NRG1: variants seen among roughly 807,000 people sequenced by gnomAD.
The protein encoded by NRG1 is pro-neuregulin-1, membrane-bound isoform.
In NRG1, 18 loss-of-function variants were observed where a neutral mutation model predicts 63.8. The observed-to-expected ratio is 0.28, with a 90% CI of 0.19 to 0.42. NRG1 has a LOEUF of 0.42. NRG1 is among the 10% of genes least tolerant of loss of function. NRG1 has a pLI of 1.00. For synonymous variants in NRG1, 302 were observed against 301.3 expected, an observed-to-expected ratio of 1.00 and a Z score of -0.02; for missense variants, 762 against 814.7, an observed-to-expected ratio of 0.94 and a Z score of 0.79.
intron 1 of NRG1, among the ~76,000 whole-genome samples, chr8:31,931,449 C>T (rs76065020): frequency 0.012 from 1,764 of 152,168 alleles, 33 homozygotes; most frequent in African/African-American, 0.04. Flanking sequence ...TTTGAACTCA[C>T]CAGGGCCTCA....
intron 6 of NRG1, 63 bp from the exon 7 acceptor site, chr8:32,741,945 G>A (rs1216589121): frequency 8.0e-7 from 1 of 1,243,670 alleles, no homozygotes; most frequent in Non-Finnish European, 1.2e-6. Flanking sequence ...GAGGAAAATT[G>A]CCAGTCTGAA....
At chr8:32,288,095 G>A (rs548175189) in intron 1 of NRG1, among the ~76,000 whole-genome samples, 1 of 152,290 alleles carries the variant, frequency 6.6e-6, no homozygotes, top group Admixed American at 6.5e-5. Context: ...ATCAACGTGG[G>A]TAGAGCTGAA....
At chr8:31,922,121 C>A (rs1833970595) in intron 1 of NRG1, among the ~76,000 whole-genome samples, 1 of 152,124 alleles carries the variant, frequency 6.6e-6, no homozygotes, top group Non-Finnish European at 1.5e-5. Context: ...CAAGCTTTAC[C>A]TACATCAGGA....
chr8:31,784,457 C>T (rs375490626), intron 1 of NRG1, among the ~76,000 whole-genome samples: 1 of 152,282 alleles, frequency 6.6e-6, no homozygotes, highest in African/African-American at 2.4e-5. Context: ...TTGAAATCAA[C>T]CACTTGTCCC....
intron 1 of NRG1, among the ~76,000 whole-genome samples, chr8:31,976,960 A>C (rs931635075): frequency 6.6e-6 from 1 of 152,172 alleles, no homozygotes; most frequent in African/African-American, 2.4e-5. Flanking sequence ...ATGAAGATGA[A>C]ATGTTTGTGG....
intron 1 of NRG1, among the ~76,000 whole-genome samples, chr8:32,223,581 A>G (rs1430137436): frequency 1.3e-5 from 2 of 152,152 alleles, no homozygotes; most frequent in Non-Finnish European, 2.9e-5. Flanking sequence ...GCCAATAAAA[A>G]TGAATGTGAT....
At chr8:32,272,846 GTT>G (rs1445016882) in intron 1 of NRG1, among the ~76,000 whole-genome samples, 1 of 152,116 alleles carries the variant, frequency 6.6e-6, no homozygotes, top group Non-Finnish European at 1.5e-5. Flanking sequence ...ATAAATCAGA[GTT>G]TCCTTTATCT....
intron 1 of NRG1, among the ~76,000 whole-genome samples, chr8:31,709,671 A>T (rs1811541771): frequency 6.6e-6 from 1 of 151,986 alleles, no homozygotes; most frequent in South Asian, 2.1e-4. Flanking sequence ...CTTTGGGGTC[A>T]GTTTTGGTGA....
chr8:32,025,878 G>A (rs1817204736), intron 1 of NRG1, among the ~76,000 whole-genome samples: 2 of 149,722 alleles, frequency 1.3e-5, no homozygotes. Flanking sequence ...CCCGGGAGGC[G>A]GAGCTTGCAG....
chr8:32,070,787 G>A lies in NRG1; in HGVS notation c.37+431356G>A, dbSNP rs140987870. ...TTTACAGCATATATCAGACCATAAG[G>A]GCCTCTTGCTTATAAAGGACCAGTG... On this transcript the variant is annotated intron_variant, in intron 1 of 10. Coordinates refer to the NRG1 transcript ENST00000519301. Among the ~76,000 whole-genome samples the A allele has an allele frequency of 5.9e-5, 9 of 152,206 alleles. No individual in the cohort carries two copies. In the East Asian group the frequency reaches 1.7e-3, roughly 29 times the overall value.
At chr8:32,576,854 T>C (rs1839734066) in intron 1 of NRG1, among the ~76,000 whole-genome samples, 1 of 152,156 alleles carries the variant, frequency 6.6e-6, no homozygotes, top group Non-Finnish European at 1.5e-5. Context: ...AACCTACGTA[T>C]GCAAGTTTGT....
intron 5 of NRG1, among the ~76,000 whole-genome samples, chr8:32,695,011 A>G (rs535117301): frequency 2.0e-4 from 31 of 152,230 alleles, no homozygotes; most frequent in Non-Finnish European, 4.0e-4. Context: ...ATTTTAGCAC[A>G]CTGATCAATC....
At chr8:32,048,881 A>G (rs1178461463) in intron 1 of NRG1, among the ~76,000 whole-genome samples, 1 of 151,932 alleles carries the variant, frequency 6.6e-6, no homozygotes, top group Non-Finnish European at 1.5e-5. Flanking sequence ...TATCAAATGT[A>G]TATTTTACAA....
intron 6 of NRG1, among the ~76,000 whole-genome samples, chr8:32,735,169 G>A (rs537339713): frequency 0.01 from 1,542 of 152,228 alleles, 21 homozygotes; most frequent in African/African-American, 0.035. Context: ...ATTTCATTGT[G>A]TATATATACC....
At chr8:32,336,669 G>A (rs1230886991) in intron 1 of NRG1, among the ~76,000 whole-genome samples, 1 of 152,138 alleles carries the variant, frequency 6.6e-6, no homozygotes, top group Non-Finnish European at 1.5e-5. Context: ...AAGTGCAGTG[G>A]CACAATCTGG....
intron 1 of NRG1, among the ~76,000 whole-genome samples, chr8:32,264,946 G>A (rs1850763903): frequency 6.6e-6 from 1 of 152,142 alleles, no homozygotes; most frequent in East Asian, 1.9e-4. Flanking sequence ...AAAGAATTGG[G>A]TGGTCAAAGG....
At chr8:32,640,618 C>CCACA (rs1554614968) in intron 5 of NRG1, among the ~76,000 whole-genome samples, 18 of 82,824 alleles carry the variant, frequency 2.2e-4, no homozygotes, top group South Asian at 4.4e-4. Flanking sequence ...GATCTCAGAC[C>CCACA]CGCACACACA....
intron 1 of NRG1, among the ~76,000 whole-genome samples, chr8:32,418,875 C>A (rs1482249544): frequency 6.6e-6 from 1 of 152,122 alleles, no homozygotes; most frequent in Admixed American, 6.6e-5. Flanking sequence ...ATTTCATGAG[C>A]TTCATCCAGC....
intron 5 of NRG1, among the ~76,000 whole-genome samples, chr8:32,676,235 G>T (rs1807083297): frequency 6.6e-6 from 1 of 152,108 alleles, no homozygotes; most frequent in African/African-American, 2.4e-5. Flanking sequence ...GGCCTCAGTG[G>T]TTTGGGGAAG....
Sources: allele counts gnomAD v4.1 joint callset (sites outside exome capture counted in the v4.1 genomes callset), GRCh38; gene constraint gnomAD v4.1.1; transcripts MANE v1.5; gene names NCBI Gene and HGNC (gene_info 2026-07-23, HGNC 2026-07-21).